CDK12: variants seen among roughly 807,000 people sequenced by gnomAD.
The protein encoded by CDK12 is cyclin-dependent kinase 12.
In CDK12, 17 loss-of-function variants were observed where a neutral mutation model predicts 133.8. That is an observed-to-expected ratio of 0.13 (90% CI 0.09 to 0.19). CDK12 has a LOEUF of 0.19. CDK12 is among the 10% of genes least tolerant of loss of function. The pLI is 1.00. For missense variants in CDK12, 1,508 were observed against 1,818.7 expected (o/e 0.83, Z 3.11); for synonymous variants, 694 against 683.6 (o/e 1.02, Z -0.24).
intron 11 of CDK12, among the ~76,000 whole-genome samples, chr17:39,521,861 C>CT (rs377201066): frequency 1.7e-3 from 241 of 141,510 alleles, no homozygotes; most frequent in East Asian, 5.6e-3. Context: ...CACTCCCAGC[C>CT]TTTTTTTTTT....
In CDK12 at chr17:39,516,387, C is replaced by T. The variant is rs144404891; in HGVS notation, c.2846+579C>T. Among the ~76,000 whole-genome samples, 6 of 151,164 alleles carry T rather than the reference C, an allele frequency of 4.0e-5. No homozygotes were observed. The East Asian group carries it at 5.8e-4, about 15-fold the overall frequency. ...GTATTTTTTTTTTTAGACAGGGTCT[C>T]GCTCTGTCACCTAGACTGGAGTGCA... On this transcript the variant is annotated intron_variant, in intron 9 of 13. Coordinates refer to ENST00000447079, the MANE Select transcript of CDK12 (RefSeq NM_016507.4).
chr17:39,516,906 G>A (rs921493384), intron 9 of CDK12, among the ~76,000 whole-genome samples: 2 of 148,776 alleles, frequency 1.3e-5, no homozygotes, highest in African/African-American at 2.5e-5. Flanking sequence ...CTCATGATCC[G>A]CCCACCTCGG....
At chr17:39,488,591 G>C (rs1367361936) in intron 2 of CDK12, among the ~76,000 whole-genome samples, 2 of 151,908 alleles carry the variant, frequency 1.3e-5, no homozygotes, top group Non-Finnish European at 2.9e-5. Flanking sequence ...TTTTTTCCAA[G>C]ATTTTTGCAC....
intron 1 of CDK12, among the ~76,000 whole-genome samples, chr17:39,467,611 TC>T (rs1393060785): frequency 6.6e-6 from 1 of 152,132 alleles, no homozygotes; most frequent in Non-Finnish European, 1.5e-5. Flanking sequence ...CTAACAGACT[TC>T]CTTAGGAAGA....
intron 1 of CDK12, among the ~76,000 whole-genome samples, chr17:39,466,737 G>A (rs1053285832): frequency 1.2e-4 from 18 of 149,016 alleles, no homozygotes; most frequent in Non-Finnish European, 2.4e-4. Context: ...ATATGGTAGC[G>A]TAGCATGCAA....
chr17:39,565,975 A>C (rs2056560532), downstream of CDK12, among the ~76,000 whole-genome samples: 1 of 152,186 alleles, frequency 6.6e-6, no homozygotes, highest in Admixed American at 6.5e-5. Context: ...ACAGTAGCCT[A>C]GGCCTGTATG....
intron 3 of CDK12, among the ~76,000 whole-genome samples, chr17:39,491,230 G>A (rs765092505): frequency 4.6e-5 from 7 of 151,932 alleles, no homozygotes; most frequent in Non-Finnish European, 1.0e-4. Context: ...TATTATTGTC[G>A]TAGTTTTATA....
At chr17:39,465,469 G>A (rs1209497141) in intron 1 of CDK12, among the ~76,000 whole-genome samples, 1 of 151,082 alleles carries the variant, frequency 6.6e-6, no homozygotes, top group East Asian at 1.9e-4. Flanking sequence ...CTTAAGTGTA[G>A]CATTTGTAAA....
chr17:39,500,285 C>T (rs1196450459), intron 5 of CDK12, among the ~76,000 whole-genome samples: 3 of 151,690 alleles, frequency 2.0e-5, no homozygotes, highest in Non-Finnish European at 4.4e-5. Context: ...GAGCCATGAT[C>T]ATGCCACTGC....
chr17:39,493,944 G>C (rs1381001032), intron 4 of CDK12, among the ~76,000 whole-genome samples: 5 of 151,998 alleles, frequency 3.3e-5, no homozygotes, highest in African/African-American at 1.2e-4. Context: ...TGCAATGAGC[G>C]GAGATCGCGC....
intron 2 of CDK12, among the ~76,000 whole-genome samples, chr17:39,551,427 C>A (rs967807981): frequency 2.6e-5 from 4 of 152,110 alleles, no homozygotes; most frequent in Non-Finnish European, 5.9e-5. Context: ...GAAGGAAATG[C>A]ATTATTTACC....
chr17:39,537,324 A>G (rs1465547622), downstream of CDK12, among the ~76,000 whole-genome samples: 1 of 152,150 alleles, frequency 6.6e-6, no homozygotes, highest in African/African-American at 2.4e-5. Flanking sequence ...AACAGGCTGA[A>G]TTCAAAGACC....
At chr17:39,520,421 A>G (rs1036751772) in intron 11 of CDK12, among the ~76,000 whole-genome samples, 3 of 151,810 alleles carry the variant, frequency 2.0e-5, no homozygotes, top group South Asian at 4.2e-4. Context: ...TATTTTTGAG[A>G]TGGAGTCTCT....
chr17:39,511,669 C>G (rs759161164), intron 8 of CDK12, 39 bp downstream of exon 8: 1 of 1,330,752 alleles, frequency 7.5e-7, no homozygotes, highest in Non-Finnish European at 1.1e-6. Context: ...CTGTAACTTA[C>G]ATACTGTTGA....
At chr17:39,542,790 G>A (rs1334661856) in intron 1 of CDK12, among the ~76,000 whole-genome samples, 1 of 152,190 alleles carries the variant, frequency 6.6e-6, no homozygotes, top group African/African-American at 2.4e-5. Context: ...GATTACAGGC[G>A]TGAGCCACTG....
chr17:39,476,711 C>CTTTTTTTTTTTTTTTT lies in CDK12; in HGVS notation c.1931+4962_1931+4977dup, dbSNP rs879840168. ...TACAGGCATGAGCCACCATGCCTGCCTTTTTTTTTTTTTTTTTTTTTTTTT... is the reference window on the plus strand; with the variant it reads ...TACAGGCATGAGCCACCATGCCTGCCTTTTTTTTTTTTTTTTTTTTTTTTTTTTTTTTTTTTTTTTT... On this transcript the variant is annotated intron_variant, in intron 2 of 13. Coordinates refer to ENST00000447079, the MANE Select transcript of CDK12 (RefSeq NM_016507.4). Among the ~76,000 whole-genome samples the CTTTTTTTTTTTTTTTT allele has an allele frequency of 1.8e-3, 149 of 84,482 alleles. 22 individuals are homozygous for CTTTTTTTTTTTTTTTT. Among genetic ancestry groups the CTTTTTTTTTTTTTTTT allele is most frequent in the East Asian group, 4.5e-3 (12 of 2,656 alleles). 55.4% of individuals were successfully genotyped at this position (84,482 alleles called of 152,430 possible). A position where few individuals can be genotyped will look rare whatever the true frequency, so the allele number is the denominator to read the frequency against.
At chr17:39,540,555 T>C (rs983070594) in intron 1 of CDK12, among the ~76,000 whole-genome samples, 1 of 152,244 alleles carries the variant, frequency 6.6e-6, no homozygotes, top group African/African-American at 2.4e-5. Context: ...TTTGCCAGTT[T>C]CTTCCCCTTT....
intron 9 of CDK12, 144 bp from the exon 10 acceptor site, chr17:39,517,296 A>T: frequency 3.1e-6 from 2 of 636,296 alleles, no homozygotes; most frequent in Middle Eastern, 5.3e-4. Context: ...CAGTAATGTC[A>T]TATTTTCCTT....
chr17:39,557,521 C>T (rs975224959), intron 3 of CDK12, among the ~76,000 whole-genome samples: 2 of 152,136 alleles, frequency 1.3e-5, no homozygotes, highest in Non-Finnish European at 2.9e-5. Flanking sequence ...ACTGTGTGTT[C>T]TACTCACCAT....
Sources: gnomAD v4.1 joint callset for allele counts (sites outside exome capture counted in the v4.1 genomes callset) on GRCh38, gnomAD v4.1.1 for gene constraint, MANE v1.5 for transcripts, NCBI Gene and HGNC (gene_info 2026-07-23, HGNC 2026-07-21) for gene names.